The following MAGI2 variants were observed in gnomAD, a reference collection of about 807,000 sequenced individuals.
The protein encoded by MAGI2 is membrane associated guanylate kinase, WW and PDZ domain containing 2.
A neutral mutation model predicts 133.3 loss-of-function variants in MAGI2; 35 were observed. The observed-to-expected ratio is 0.26, with a 90% CI of 0.20 to 0.35. MAGI2 has a LOEUF of 0.35. MAGI2 is among the 10% of genes least tolerant of loss of function. The pLI is 1.00. For synonymous variants in MAGI2, 729 were observed against 710.6 expected (o/e 1.03, Z -0.41); for missense variants, 1,636 against 1,863.4 (o/e 0.88, Z 2.25).
At chr7:78,653,348 G>A (rs1405747423) in intron 2 of MAGI2, among the ~76,000 whole-genome samples, 1 of 152,026 alleles carries the variant, frequency 6.6e-6, no homozygotes, top group Admixed American at 6.6e-5. Flanking sequence ...ATGTTTATTG[G>A]AGCACTGTTC....
intron 10 of MAGI2, among the ~76,000 whole-genome samples, chr7:78,209,937 CTCTT>C: frequency 3.3e-5 from 5 of 152,308 alleles, no homozygotes; most frequent in Admixed American, 3.3e-4. Flanking sequence ...TATTTGTCCA[CTCTT>C]TCTTACTCTT....
At chr7:78,627,553 G>T (rs1808501362) in intron 2 of MAGI2, among the ~76,000 whole-genome samples, 1 of 152,194 alleles carries the variant, frequency 6.6e-6, no homozygotes, top group African/African-American at 2.4e-5. Flanking sequence ...TATTGAGCCA[G>T]CAGTCTGCTA....
At chr7:78,240,407 C>T (rs965664426) in intron 10 of MAGI2, among the ~76,000 whole-genome samples, 14 of 152,008 alleles carry the variant, frequency 9.2e-5, no homozygotes, top group African/African-American at 3.4e-4. Flanking sequence ...GGCAGGGAAT[C>T]AATGGATAAA....
intron 1 of MAGI2, among the ~76,000 whole-genome samples, chr7:79,448,215 A>T (rs1023405611): frequency 6.6e-6 from 1 of 152,032 alleles, no homozygotes; most frequent in Non-Finnish European, 1.5e-5. Flanking sequence ...AGTTATTTTT[A>T]AAAAGTGAAA....
At chr7:78,399,670 T>A (rs1796670363) in intron 6 of MAGI2, among the ~76,000 whole-genome samples, 1 of 151,946 alleles carries the variant, frequency 6.6e-6, no homozygotes, top group Non-Finnish European at 1.5e-5. Flanking sequence ...CTAGGCATGG[T>A]GGCACATGCC....
chr7:78,330,615 CAAAAAAAAAA>C (rs4024122), intron 9 of MAGI2, among the ~76,000 whole-genome samples: 1 of 6,940 alleles, frequency 1.4e-4, no homozygotes, highest in South Asian at 5.7e-3. Flanking sequence ...GACTCCGTCT[CAAAAAAAAAA>C]AAAAAAAAAA....
intron 1 of MAGI2, among the ~76,000 whole-genome samples, chr7:79,040,177 C>T (rs540376049): frequency 7.9e-5 from 12 of 151,474 alleles, no homozygotes; most frequent in South Asian, 4.2e-4. Flanking sequence ...CTCATAGTAT[C>T]TGATGGTTTC....
intron 18 of MAGI2, 53 bp from the exon 19 acceptor site, chr7:78,127,469 T>C: frequency 7.1e-7 from 1 of 1,417,318 alleles, no homozygotes; most frequent in Non-Finnish European, 9.8e-7. Context: ...CTAAAGAGGC[T>C]AGAGTGATCA....
chr7:78,921,876 G>A (rs191162981), intron 2 of MAGI2, among the ~76,000 whole-genome samples: 6 of 152,094 alleles, frequency 3.9e-5, no homozygotes, highest in East Asian at 1.9e-4. Flanking sequence ...CAGGTGATCC[G>A]CCTGCCTTGG....
At chr7:78,311,150 C>T (rs1332352310) in intron 9 of MAGI2, among the ~76,000 whole-genome samples, 1 of 152,074 alleles carries the variant, frequency 6.6e-6, no homozygotes, top group African/African-American at 2.4e-5. Flanking sequence ...TAATAAGTAG[C>T]TAAGCTGGGA....
At chr7:78,635,042 C>T (rs899860314) in intron 2 of MAGI2, among the ~76,000 whole-genome samples, 6 of 152,104 alleles carry the variant, frequency 3.9e-5, no homozygotes, top group African/African-American at 1.4e-4. Context: ...TAAACAACAG[C>T]TTATTTATTA....
At chr7:78,822,459 A>G (rs1790213050) in intron 2 of MAGI2, among the ~76,000 whole-genome samples, 1 of 151,996 alleles carries the variant, frequency 6.6e-6, no homozygotes, top group Admixed American at 6.6e-5. Flanking sequence ...GTATATTTTC[A>G]ATTTGTTTTT....
At chr7:79,197,901 G>A (rs1044000330) in intron 1 of MAGI2, among the ~76,000 whole-genome samples, 1 of 151,768 alleles carries the variant, frequency 6.6e-6, no homozygotes, top group Non-Finnish European at 1.5e-5. Context: ...TAATATTATT[G>A]CATTGTGGAT....
chr7:78,719,651 G>A (rs1480407919), intron 2 of MAGI2, among the ~76,000 whole-genome samples: 1 of 152,164 alleles, frequency 6.6e-6, no homozygotes, highest in African/African-American at 2.4e-5. Context: ...CAAGGGTTTG[G>A]AATCCTATTG....
intron 2 of MAGI2, among the ~76,000 whole-genome samples, chr7:78,906,376 A>T (rs1419353522): frequency 1.3e-5 from 2 of 152,016 alleles, no homozygotes; most frequent in African/African-American, 4.8e-5. Flanking sequence ...TGAAACTTTC[A>T]CTGTCTTTGG....
At chr7:78,432,981 A>G (rs1236138827) in intron 6 of MAGI2, among the ~76,000 whole-genome samples, 1 of 152,086 alleles carries the variant, frequency 6.6e-6, no homozygotes, top group Non-Finnish European at 1.5e-5. Context: ...CTAACTAATT[A>G]TGTATAAAAT....
intron 1 of MAGI2, among the ~76,000 whole-genome samples, chr7:79,131,103 A>G (rs1028729892): frequency 2.0e-5 from 3 of 152,202 alleles, no homozygotes; most frequent in African/African-American, 4.8e-5. Context: ...CAGTCAGTAT[A>G]GCAAAGGGAA....
At chr7:78,643,351 C>T (rs1021182938) in intron 2 of MAGI2, among the ~76,000 whole-genome samples, 8 of 152,022 alleles carry the variant, frequency 5.3e-5, no homozygotes, top group Non-Finnish European at 1.2e-4. Context: ...TACAAGTGCT[C>T]TGAGCAGATG....
intron 9 of MAGI2, among the ~76,000 whole-genome samples, chr7:78,274,184 C>CA (rs1794840003): frequency 6.6e-6 from 1 of 152,180 alleles, no homozygotes. Context: ...TTCCTTCTAA[C>CA]AGTCAGGATC....
Sources: gnomAD v4.1 joint callset for allele counts (sites outside exome capture counted in the v4.1 genomes callset) on GRCh38, gnomAD v4.1.1 for gene constraint, MANE v1.5 for transcripts, NCBI Gene and HGNC (gene_info 2026-07-23, HGNC 2026-07-21) for gene names.